TNPO1: variants seen among roughly 807,000 people sequenced by gnomAD.
The protein encoded by TNPO1 is transportin-1.
In TNPO1, 8 loss-of-function variants were observed where a neutral mutation model predicts 119.5. That is an observed-to-expected ratio of 0.07 (90% CI 0.04 to 0.12). The LOEUF (loss-of-function observed/expected upper bound fraction) is 0.12, where lower values mean the gene tolerates loss of function less well. Ranked by LOEUF, TNPO1 falls within the 10% of genes least tolerant of loss-of-function variation. The pLI is 1.00. For missense variants in TNPO1, 576 were observed against 1,089.8 expected (o/e 0.53, Z 6.64); for synonymous variants, 362 against 363.0 (o/e 1.00, Z 0.03).
intron 1 of TNPO1, 51 bp from the exon 2 acceptor site, chr5:72,848,334 A>C: frequency 3.2e-6 from 5 of 1,558,158 alleles, no homozygotes; most frequent in Non-Finnish European, 4.4e-6. Context: ...GGGCCTGTGC[A>C]CCGGGAGTAA....
intron 20 of TNPO1, among the ~76,000 whole-genome samples, chr5:72,899,127 T>A (rs1376243047): frequency 2.6e-5 from 4 of 152,148 alleles, no homozygotes; most frequent in East Asian, 1.9e-4. Context: ...TAAAAAAAAA[T>A]AGTGTGTAAT....
intron 6 of TNPO1, among the ~76,000 whole-genome samples, chr5:72,870,054 A>G (rs1747262216): frequency 6.6e-6 from 1 of 151,928 alleles, no homozygotes; most frequent in Admixed American, 6.6e-5. Context: ...TATAAATTCT[A>G]CAGTTGTCAA....
intron 1 of TNPO1, among the ~76,000 whole-genome samples, chr5:72,840,841 A>G (rs914389358): frequency 1.2e-4 from 19 of 152,288 alleles, no homozygotes; most frequent in Admixed American, 1.2e-3. Flanking sequence ...TGTTCTGTTA[A>G]TCTCTAAACT....
chr5:72,829,227 A>G (rs1322812108), intron 1 of TNPO1, among the ~76,000 whole-genome samples: 2 of 152,250 alleles, frequency 1.3e-5, no homozygotes, highest in African/African-American at 4.8e-5. Flanking sequence ...AATAGGCATT[A>G]GAATGCTCCA....
At position 72,910,098 on chromosome 5, in the gene TNPO1, A is replaced by T. The variant is rs1561370696; in HGVS notation, c.*1425A>T. The T allele has an allele frequency of 6.5e-6, 1 of 152,730 alleles. No individual in the cohort carries two copies. The highest frequency in any genetic ancestry group is 2.1e-4 in the South Asian group (1 of 4,830). 9.5% of individuals were successfully genotyped at this position (152,730 alleles called of 1,614,324 possible). ...AAGCTTCCCTTTTTTTGTTCAAAGC[A>T]TGATCTTAAAGATATGTTTAAGTTA... is the stretch of plus-strand genomic sequence containing the variant. On this transcript the variant is annotated 3_prime_UTR_variant, in exon 25 of 25. Transcript: ENST00000337273.
chr5:72,838,439 A>C (rs891544093), intron 1 of TNPO1, among the ~76,000 whole-genome samples: 5 of 152,206 alleles, frequency 3.3e-5, no homozygotes, highest in African/African-American at 9.7e-5. Flanking sequence ...TAATTTGTAA[A>C]GTGGATTCTA....
intron 1 of TNPO1, among the ~76,000 whole-genome samples, chr5:72,835,083 A>G (rs1244338619): frequency 1.3e-5 from 2 of 152,162 alleles, no homozygotes; most frequent in Non-Finnish European, 2.9e-5. Context: ...TATACCATCT[A>G]AGTTCATGTA....
At chr5:72,868,555 A>G (rs1303416602) in intron 6 of TNPO1, among the ~76,000 whole-genome samples, 1 of 146,512 alleles carries the variant, frequency 6.8e-6, no homozygotes, top group African/African-American at 2.5e-5. Context: ...TGTCACATTT[A>G]TTTTATAGTC....
chr5:72,830,728 A>G (rs892019135), intron 1 of TNPO1, among the ~76,000 whole-genome samples: 5 of 152,162 alleles, frequency 3.3e-5, no homozygotes, highest in Non-Finnish European at 7.4e-5. Context: ...TTTTAAATTG[A>G]GGTATCGTTT....
intron 6 of TNPO1, among the ~76,000 whole-genome samples, chr5:72,868,614 T>C (rs1050795864): frequency 1.3e-5 from 2 of 152,184 alleles, no homozygotes; most frequent in African/African-American, 4.8e-5. Flanking sequence ...TGCTTAGTTA[T>C]ATGCGTGCAT....
At chr5:72,888,450 T>C (rs1748814463) in intron 13 of TNPO1, 147 bp downstream of exon 13, 1 of 723,796 alleles carries the variant, frequency 1.4e-6, no homozygotes, top group African/African-American at 1.8e-5. Flanking sequence ...GTTTTCTTTT[T>C]TCTTCTTGGT....
At chr5:72,830,497 C>T (rs929116296) in intron 1 of TNPO1, among the ~76,000 whole-genome samples, 1 of 152,024 alleles carries the variant, frequency 6.6e-6, no homozygotes, top group African/African-American at 2.4e-5. Flanking sequence ...TGAGTTCATC[C>T]TCTCATTTCA....
chr5:72,861,936 A>G (rs758143802), intron 5 of TNPO1, 22 bp downstream of exon 5: 9 of 1,560,322 alleles, frequency 5.8e-6, no homozygotes, highest in Admixed American at 3.3e-5. Flanking sequence ...TGTTTCATAC[A>G]TAATTGGGTG....
At chr5:72,868,752 C>T (rs1026363648) in intron 6 of TNPO1, among the ~76,000 whole-genome samples, 1 of 151,518 alleles carries the variant, frequency 6.6e-6, no homozygotes, top group Admixed American at 6.6e-5. Context: ...TAACAAGTTG[C>T]AGTTACTTAA....
intron 9 of TNPO1, among the ~76,000 whole-genome samples, chr5:72,877,890 G>A (rs965843119): frequency 5.9e-5 from 9 of 151,996 alleles, no homozygotes; most frequent in African/African-American, 9.7e-5. Context: ...TGAAAGTACC[G>A]TATACTAAAT....
At chr5:72,851,737 G>T (rs1051327835) in intron 3 of TNPO1, among the ~76,000 whole-genome samples, 1 of 152,254 alleles carries the variant, frequency 6.6e-6, no homozygotes, top group South Asian at 2.1e-4. Flanking sequence ...CTGGGGATTC[G>T]CCTGCCGCAG....
At chr5:72,822,863 G>T (rs1744029465) in intron 1 of TNPO1, among the ~76,000 whole-genome samples, 1 of 149,944 alleles carries the variant, frequency 6.7e-6, no homozygotes, top group African/African-American at 2.5e-5. Flanking sequence ...AAAGTGCTGG[G>T]ATTACAGGTG....
At position 72,851,737 on chromosome 5, in the gene TNPO1, G is replaced by GA. The variant is rs544710500; in HGVS notation, c.205+418_205+419insA. ...TTGAACTCCTGGCCTCTGGGGATTC[G>GA]CCTGCCGCAGTCTCCCAAAGTGCTC... On this transcript the variant is annotated intron_variant, in intron 3 of 24. Coordinates refer to ENST00000337273, the MANE Select transcript of TNPO1 (RefSeq NM_002270.4). 1.0e-3 allele frequency among the ~76,000 whole-genome samples: 154 copies of GA among 152,254 alleles called. 2 individuals carry two copies. The East Asian group carries it at 0.026, about 26-fold the overall frequency.
rs1332663281 is a variant in TNPO1, at chr5:72,905,212, T to G, written c.2590-91T>G. The G allele has an allele frequency of 3.2e-6, 3 of 944,066 alleles. No individual in the cohort carries two copies. The Admixed American group carries it at 6.7e-5, about 21-fold the overall frequency. The allele number at this position is 944,066 out of a possible 1,614,324, so 58.5% of individuals were successfully genotyped here. On this transcript the variant is annotated intron_variant, in intron 23 of 24. Coordinates refer to ENST00000337273, the MANE Select transcript of TNPO1 (RefSeq NM_002270.4). ...GCTACTTTAAAATGGATAAAATTTA[T>G]AAAAAAATCAGCTGTGTTGGATTTC...
Sources: allele counts gnomAD v4.1 joint callset (sites outside exome capture counted in the v4.1 genomes callset), GRCh38; gene constraint gnomAD v4.1.1; transcripts MANE v1.5; gene names NCBI Gene and HGNC (gene_info 2026-07-23, HGNC 2026-07-21).